FHIT: variants seen among roughly 807,000 people sequenced by gnomAD.
FHIT encodes the protein fragile histidine triad diadenosine triphosphatase.
In FHIT, 19 loss-of-function variants were observed where a neutral mutation model predicts 17.9. The ratio of observed to expected loss-of-function variants is 1.06; its 90% CI spans 0.74 to 1.56. The LOEUF is 1.56. FHIT is among the 40% of genes most tolerant of loss of function. FHIT has a pLI of 0.00. For synonymous variants in FHIT, 81 were observed against 69.7 expected, an observed-to-expected ratio of 1.16 and a Z score of -0.81; for missense variants, 248 against 189.2, an observed-to-expected ratio of 1.31 and a Z score of -1.82.
chr3:61,239,789 A>AT (rs1439456201), intron 1 of FHIT, among the ~76,000 whole-genome samples: 14 of 119,284 alleles, frequency 1.2e-4, no homozygotes, highest in African/African-American at 3.5e-4. Flanking sequence ...ATATATACAC[A>AT]AATTCTAAAC....
intron 3 of FHIT, among the ~76,000 whole-genome samples, chr3:60,882,797 A>G (rs1705037052): frequency 6.6e-6 from 1 of 152,132 alleles, no homozygotes; most frequent in African/African-American, 2.4e-5. Flanking sequence ...TCTTCTAAGA[A>G]CTAGAACAAG....
At chr3:60,173,915 A>ATATATATATATATATATATTTTTTTTTTT in intron 5 of FHIT, among the ~76,000 whole-genome samples, 6 of 66,434 alleles carry the variant, frequency 9.0e-5, no homozygotes, top group African/African-American at 1.3e-4. Flanking sequence ...ATATATATAT[A>ATATATATATATATATATATTTTTTTTTTT]TGTTTTTTTT....
chr3:60,757,843 C>T (rs957947969), intron 4 of FHIT, among the ~76,000 whole-genome samples: 8 of 152,160 alleles, frequency 5.3e-5, no homozygotes, highest in South Asian at 2.1e-4. Context: ...ATGGATGACA[C>T]GACACTCGCA....
chr3:59,838,230 C>T (rs1182119389), intron 8 of FHIT, among the ~76,000 whole-genome samples: 1 of 152,136 alleles, frequency 6.6e-6, no homozygotes, highest in East Asian at 1.9e-4. Flanking sequence ...CCACTCTCTA[C>T]CCAAACAACC....
intron 5 of FHIT, among the ~76,000 whole-genome samples, chr3:60,056,190 T>C (rs563191597): frequency 6.6e-6 from 1 of 152,300 alleles, no homozygotes; most frequent in South Asian, 2.1e-4. Context: ...TCTGCCTTAT[T>C]TCTTTAAGTT....
chr3:61,014,343 C>G (rs151044301), intron 3 of FHIT, among the ~76,000 whole-genome samples: 3 of 152,016 alleles, frequency 2.0e-5, no homozygotes, highest in African/African-American at 7.3e-5. Flanking sequence ...CTGCCTAGAA[C>G]AGTATGAGGT....
At chr3:61,161,734 AAAAAAT>A (rs747321650) in intron 2 of FHIT, among the ~76,000 whole-genome samples, 4 of 152,226 alleles carry the variant, frequency 2.6e-5, no homozygotes, top group African/African-American at 4.8e-5. Flanking sequence ...GCACTAAATC[AAAAAAT>A]AAAAATAAAA....
intron 4 of FHIT, among the ~76,000 whole-genome samples, chr3:60,663,103 A>AAC (rs2040296825): frequency 1.6e-5 from 2 of 124,532 alleles, no homozygotes; most frequent in South Asian, 5.3e-4. Flanking sequence ...CTTCTGCCAA[A>AAC]ACCATGTTGG....
chr3:60,368,392 T>C (rs1027368964), intron 5 of FHIT, among the ~76,000 whole-genome samples: 9 of 152,002 alleles, frequency 5.9e-5, no homozygotes, highest in African/African-American at 2.2e-4. Flanking sequence ...TAAATAATGA[T>C]ATTGAACACC....
At chr3:60,169,715 C>G (rs530720173) in intron 5 of FHIT, among the ~76,000 whole-genome samples, 85 of 152,246 alleles carry the variant, frequency 5.6e-4, no homozygotes, top group African/African-American at 1.9e-3. Flanking sequence ...AAAAAGTCCC[C>G]TGGAGAAGAG....
chr3:61,107,985 C>T (rs865911657), intron 2 of FHIT, among the ~76,000 whole-genome samples: 6 of 152,132 alleles, frequency 3.9e-5, no homozygotes, highest in Admixed American at 6.6e-5. Context: ...TCACGATGTA[C>T]GGAAAAACCT....
chr3:61,237,108 G>A (rs1412107576), intron 1 of FHIT, among the ~76,000 whole-genome samples: 1 of 152,146 alleles, frequency 6.6e-6, no homozygotes, highest in African/African-American at 2.4e-5. Context: ...CTGATTAAAT[G>A]TACATCCATC....
At chr3:60,176,531 AGG>A in intron 5 of FHIT, among the ~76,000 whole-genome samples, 1 of 152,350 alleles carries the variant, frequency 6.6e-6, no homozygotes, top group African/African-American at 2.4e-5. Context: ...TCAAACTTTA[AGG>A]CTGTGTGATA....
At chr3:60,820,341 A>C (rs782251640) in intron 4 of FHIT, among the ~76,000 whole-genome samples, 8 of 152,128 alleles carry the variant, frequency 5.3e-5, no homozygotes, top group Non-Finnish European at 1.0e-4. Flanking sequence ...TTAAAACACT[A>C]ACCCAAACAA....
chr3:59,990,872 A>C (rs1404183494), intron 7 of FHIT, among the ~76,000 whole-genome samples: 1 of 152,078 alleles, frequency 6.6e-6, no homozygotes, highest in Non-Finnish European at 1.5e-5. Flanking sequence ...TTTTGCCATA[A>C]ATCAAGAACA....
In FHIT at chr3:59,748,776, G is replaced by A. The variant is rs187283854; in HGVS notation, c.*809C>T. ...TCAAATCTGAGCTTTGCCACTTACCGTTGGCCTTGAACTAATAATACTTAA... is the reference window on the plus strand; with the variant it reads ...TCAAATCTGAGCTTTGCCACTTACCATTGGCCTTGAACTAATAATACTTAA... On this transcript the variant is annotated 3_prime_UTR_variant, in exon 10 of 10. Coordinates refer to ENST00000492590, the MANE Select transcript of FHIT (RefSeq NM_002012.4). Among the ~76,000 whole-genome samples, 5 of 147,052 alleles carry A rather than the reference G, an allele frequency of 3.4e-5. No homozygotes were observed. Among genetic ancestry groups the A allele is most frequent in the Non-Finnish European group, 6.2e-5 (4 of 64,140 alleles).
intron 8 of FHIT, among the ~76,000 whole-genome samples, chr3:59,852,507 T>C (rs1261453492): frequency 6.6e-6 from 1 of 152,156 alleles, no homozygotes; most frequent in Non-Finnish European, 1.5e-5. Context: ...TTGTTACAAT[T>C]TGTGAACCTA....
intron 2 of FHIT, among the ~76,000 whole-genome samples, chr3:61,129,224 A>G (rs972792503): frequency 6.6e-6 from 1 of 152,236 alleles, no homozygotes; most frequent in African/African-American, 2.4e-5. Flanking sequence ...GTCCCAATGT[A>G]AGACACAAAC....
At chr3:59,999,354 C>G (rs193291433) in intron 7 of FHIT, among the ~76,000 whole-genome samples, 6 of 152,238 alleles carry the variant, frequency 3.9e-5, no homozygotes, top group African/African-American at 1.4e-4. Flanking sequence ...AATGGAATTA[C>G]CGTGTGGTCA....
Sources: gnomAD v4.1 joint callset for allele counts (sites outside exome capture counted in the v4.1 genomes callset) on GRCh38, gnomAD v4.1.1 for gene constraint, MANE v1.5 for transcripts, NCBI Gene and HGNC (gene_info 2026-07-23, HGNC 2026-07-21) for gene names.